Variants in ABCA1 observed in about 807,000 individuals in gnomAD.
ABCA1 encodes the protein phospholipid-transporting ATPase ABCA1.
In ABCA1, 133 loss-of-function variants were observed where a neutral mutation model predicts 262.5. The ratio of observed to expected loss-of-function variants is 0.51; its 90% CI spans 0.44 to 0.59. The LOEUF is 0.59. Among genes scored for constraint, ABCA1 ranks in the 20% least tolerant of loss-of-function variants. The pLI, the probability that ABCA1 is intolerant of heterozygous loss-of-function variation, is 0.00. For synonymous variants in ABCA1, 1,022 were observed against 1,043.5 expected (o/e 0.98, Z 0.40); for missense variants, 2,452 against 2,777.5 (o/e 0.88, Z 2.63).
intron 39 of ABCA1, among the ~76,000 whole-genome samples, chr9:104,795,463 G>C (rs1829816148): frequency 6.6e-6 from 1 of 152,224 alleles, no homozygotes; most frequent in African/African-American, 2.4e-5. Flanking sequence ...CAACAGCAAA[G>C]CAAGCATCTA....
At chr9:104,837,688 T>C in intron 9 of ABCA1, 121 bp from the exon 10 acceptor site, 2 of 1,199,006 alleles carry the variant, frequency 1.7e-6, no homozygotes, top group South Asian at 1.3e-5. Flanking sequence ...ACTAGTCATA[T>C]AATAAGTAAC....
At chr9:104,811,020 T>C (rs1831234633) in intron 28 of ABCA1, 96 bp from the exon 29 acceptor site, 17 of 1,563,954 alleles carry the variant, frequency 1.1e-5, no homozygotes, top group Non-Finnish European at 1.5e-5. Flanking sequence ...CCAGCCCACC[T>C]CCCCGACCAA....
chr9:104,819,924 C>T lies in ABCA1; in HGVS notation c.3103+3G>A, dbSNP rs758322157. The T allele has an allele frequency of 3.7e-5, 60 of 1,612,586 alleles. No homozygotes were observed. Among genetic ancestry groups the T allele is most frequent in the Non-Finnish European group, 4.8e-5 (57 of 1,179,928 alleles). On this transcript the variant is annotated splice_donor_region_variant and intron_variant, in intron 21 of 49. Coordinates refer to ENST00000374736, the MANE Select transcript of ABCA1 (RefSeq NM_005502.4). ...GGATAGGGAAGGTAGCTCTGGGCCG[C>T]ACCTGACAGCTGGCTTGTTTTGCTT...
intron 5 of ABCA1, among the ~76,000 whole-genome samples, chr9:104,878,218 C>T (rs1409021917): frequency 6.6e-6 from 1 of 152,158 alleles, no homozygotes. Context: ...TCTCACACTG[C>T]CTTGCAAACA....
intron 36 of ABCA1, among the ~76,000 whole-genome samples, chr9:104,798,900 C>T (rs901335297): frequency 6.6e-6 from 1 of 152,182 alleles, no homozygotes; most frequent in African/African-American, 2.4e-5. Context: ...CTTTGGTCCA[C>T]TGTTCATGAC....
intron 5 of ABCA1, among the ~76,000 whole-genome samples, chr9:104,862,166 G>A (rs1174789294): frequency 2.6e-5 from 4 of 151,564 alleles, no homozygotes; most frequent in Non-Finnish European, 5.9e-5. Context: ...TGCAATGGTG[G>A]AATCTCAGCT....
chr9:104,811,764 T>C (rs1473912066), intron 28 of ABCA1, among the ~76,000 whole-genome samples: 1 of 152,216 alleles, frequency 6.6e-6, no homozygotes. Flanking sequence ...ATGTTGTCAT[T>C]ATTTATGGTT....
rs1385392723 is a variant in ABCA1 at position 104,782,345 on chromosome 9, C to G, written c.*1970G>C. 2 of 151,836 alleles carry G rather than the reference C, an allele frequency of 1.3e-5. No homozygotes were observed. The highest frequency in any genetic ancestry group is 2.9e-5 in the Non-Finnish European group (2 of 67,920). 9.4% of individuals were successfully genotyped at this position (151,836 alleles called of 1,614,324 possible). On this transcript the variant is annotated 3_prime_UTR_variant, in exon 50 of 50. Coordinates refer to ENST00000374736, the MANE Select transcript of ABCA1 (RefSeq NM_005502.4). ...TTTCAGCAGTGGGTTATATAATATT[C>G]TGTAAATTTAAAAAATATAGAAAGA...
intron 30 of ABCA1, among the ~76,000 whole-genome samples, chr9:104,807,447 T>C (rs536500553): frequency 7.2e-5 from 11 of 152,336 alleles, no homozygotes; most frequent in Non-Finnish European, 1.6e-4. Flanking sequence ...CAACAAGTCA[T>C]TTCCAGTTCC....
chr9:104,885,548 G>C (rs1267580379), intron 3 of ABCA1, among the ~76,000 whole-genome samples: 1 of 152,122 alleles, frequency 6.6e-6, no homozygotes, highest in African/African-American at 2.4e-5. Flanking sequence ...TTGTTGTTTT[G>C]TCACTAATTA....
chr9:104,887,369 G>A (rs568144289), intron 3 of ABCA1, among the ~76,000 whole-genome samples: 1 of 152,192 alleles, frequency 6.6e-6, no homozygotes, highest in Non-Finnish European at 1.5e-5. Flanking sequence ...GAAAATTTAT[G>A]ATCTGGAGTC....
chr9:104,902,002 G>A (rs780057671), intron 2 of ABCA1, among the ~76,000 whole-genome samples: 21 of 152,068 alleles, frequency 1.4e-4, no homozygotes, highest in Non-Finnish European at 2.6e-4. Context: ...TATTAAAACA[G>A]ATAGGATCCA....
At chr9:104,813,981 C>A (rs1324917691) in intron 27 of ABCA1, 137 bp downstream of exon 27, 1 of 880,182 alleles carries the variant, frequency 1.1e-6, no homozygotes, top group Admixed American at 2.0e-5. Flanking sequence ...GTGGCTTTTA[C>A]CATTTCCTCA....
At chr9:104,801,524 A>C (rs1830336981) in intron 34 of ABCA1, among the ~76,000 whole-genome samples, 1 of 151,116 alleles carries the variant, frequency 6.6e-6, no homozygotes, top group Non-Finnish European at 1.5e-5. Flanking sequence ...CCAGCCTCTG[A>C]GAGCTTTTAA....
intron 5 of ABCA1, among the ~76,000 whole-genome samples, chr9:104,869,097 A>G (rs1837355415): frequency 6.6e-6 from 1 of 151,912 alleles, no homozygotes; most frequent in South Asian, 2.1e-4. Context: ...CCCTTTGCTG[A>G]GCTGAGCTGA....
chr9:104,798,618 G>C lies in ABCA1; in HGVS notation c.4944-20C>G, dbSNP rs754570352. ...GTCATCCTGGAGAGAAAAAGCGTGT[G>C]AAAATCTGAGGGGTCTTTGATGCAG... On this transcript the variant is annotated intron_variant, in intron 36 of 49. Transcript: ENST00000374736. The C allele has an allele frequency of 6.2e-7, 1 of 1,611,076 alleles. No homozygotes were observed. Among genetic ancestry groups the C allele is most frequent in the Non-Finnish European group, 8.5e-7 (1 of 1,178,422 alleles).
In ABCA1 at chr9:104,840,464, T is replaced by C. The variant is rs532997003; in HGVS notation, c.869A>G (p.Asn290Ser). The C allele has an allele frequency of 8.7e-6, 14 of 1,614,090 alleles. No homozygotes were observed. The South Asian group carries it at 1.3e-4, about 15-fold the overall frequency. ...GGTGGAGGAGCTGGAGCTGTTCACA[T>C]TGGTCAGAAACATCACCTCCTGTCG... ...DMRQEVMFLTNVNSSSSSTQI... is the reference protein window; with the variant it reads ...DMRQEVMFLTSVNSSSSSTQI... The change falls in exon 9 of 50, where the codon AAT (asparagine) becomes AGT (serine). Residue 290 changes from asparagine to serine, a missense_variant. Physicochemically the swap from Asn to Ser is conservative, Grantham distance 46. Around this residue, in one of 4 missense-constraint regions of ABCA1, gnomAD observed 1,032 missense variants for 1,089.7 expected, o/e 0.95. Coordinates refer to ENST00000374736, the MANE Select transcript of ABCA1 (RefSeq NM_005502.4).
chr9:104,861,413 G>C lies in ABCA1; in HGVS notation c.543+266C>G, dbSNP rs370053270. On this transcript the variant is annotated intron_variant, in intron 6 of 49. Transcript: ENST00000374736. ...AACTTAAAATGTATCCCTTGTAGGA[G>C]GAAATCATCACAAATGCCAAGTGAT... The C allele has an allele frequency of 2.3e-5, 14 of 597,730 alleles. No individual in the cohort carries two copies. In the South Asian group the frequency reaches 2.8e-4, roughly 12 times the overall value. 37.0% of individuals were successfully genotyped at this position (597,730 alleles called of 1,614,324 possible).
chr9:104,796,456 C>T, intron 37 of ABCA1, 32 bp from the exon 38 acceptor site: 1 of 1,551,628 alleles, frequency 6.4e-7, no homozygotes, highest in Non-Finnish European at 8.9e-7. Flanking sequence ...TCCAGTTCAC[C>T]CCTAAATCAA....
Sources: allele counts gnomAD v4.1 joint callset (sites outside exome capture counted in the v4.1 genomes callset), GRCh38; gene constraint gnomAD v4.1.1; regional missense constraint gnomAD v4.1.1; transcripts MANE v1.5; gene names NCBI Gene and HGNC (gene_info 2026-07-23, HGNC 2026-07-21).